BST1: variants seen among roughly 807,000 people sequenced by gnomAD.
BST1 encodes bone marrow stromal cell antigen 1, also known as ADP-ribosyl cyclase/cyclic ADP-ribose hydrolase 2.
In BST1, 49 loss-of-function variants were observed where a neutral mutation model predicts 40.6. That is an observed-to-expected ratio of 1.21 (90% CI 0.96 to 1.53). BST1 has a LOEUF of 1.53. Ranked by LOEUF, BST1 falls within the 40% of genes most tolerant of loss-of-function variation. The pLI, the probability that BST1 is intolerant of heterozygous loss-of-function variation, is 0.00. For missense variants in BST1, 423 were observed against 395.9 expected, an observed-to-expected ratio of 1.07 and a Z score of -0.58; for synonymous variants, 157 against 159.3, an observed-to-expected ratio of 0.99 and a Z score of 0.11.
chr4:15,724,065 G>C lies in BST1; in HGVS notation c.851+1131G>C, dbSNP rs143578040. Among the ~76,000 whole-genome samples, 104 of 152,238 alleles carry C rather than the reference G, an allele frequency of 6.8e-4. 1 individual carries two copies. Among genetic ancestry groups the C allele is most frequent in the African/African-American group, 2.4e-3 (98 of 41,522 alleles). Reference sequence around the variant, plus strand: ...ACTCAAGTGTTCTTTGCTCTGTGAGGCTTTCCTCATTCTCCACGTTGATTG... The same window carrying C: ...ACTCAAGTGTTCTTTGCTCTGTGAGCCTTTCCTCATTCTCCACGTTGATTG... On this transcript the variant is annotated intron_variant, in intron 8 of 8. Transcript: ENST00000265016.
At chr4:15,704,959 C>A (rs781634471) in intron 1 of BST1, 2 of 775,544 alleles carry the variant, frequency 2.6e-6, no homozygotes, top group African/African-American at 1.7e-5. Context: ...TGTTACACAC[C>A]ACCCAGTATG....
intron 8 of BST1, among the ~76,000 whole-genome samples, chr4:15,728,489 T>G (rs1721226391): frequency 6.8e-6 from 1 of 147,810 alleles, no homozygotes; most frequent in Non-Finnish European, 1.5e-5. Context: ...TATCGCTCTG[T>G]CACCCAGGCA....
chr4:15,731,015 C>T (rs1294067970), intron 8 of BST1: 8 of 607,714 alleles, frequency 1.3e-5, no homozygotes, highest in African/African-American at 7.6e-5. Context: ...AAGGCCCGGA[C>T]ATTCTGCCAG....
At chr4:15,722,592 ATTTTTTTTT>A in intron 7 of BST1, among the ~76,000 whole-genome samples, 1 of 120,308 alleles carries the variant, frequency 8.3e-6, no homozygotes, top group East Asian at 2.4e-4. Context: ...TAATTTTTAG[ATTTTTTTTT>A]TTTTTTTTTT....
At chr4:15,716,612 C>T (rs562103832) in intron 6 of BST1, among the ~76,000 whole-genome samples, 6 of 152,282 alleles carry the variant, frequency 3.9e-5, no homozygotes, top group East Asian at 1.9e-4. Flanking sequence ...TTATTTTTCC[C>T]GTCTCTTAGG....
chr4:15,749,096 A>C, the BST1 span, among the ~76,000 whole-genome samples: 1 of 152,160 alleles, frequency 6.6e-6, no homozygotes, highest in South Asian at 2.1e-4. Flanking sequence ...AATCAAAGAC[A>C]TGGGGAAGCT....
At chr4:15,712,049 T>A (rs537834631) in intron 4 of BST1, among the ~76,000 whole-genome samples, 160 bp downstream of exon 4, 1 of 152,344 alleles carries the variant, frequency 6.6e-6, no homozygotes, top group South Asian at 2.1e-4. Context: ...TATATAAAGT[T>A]GTGAGAATTT....
chr4:15,745,913 A>T, the BST1 span, among the ~76,000 whole-genome samples: 1 of 152,186 alleles, frequency 6.6e-6, no homozygotes. Context: ...TATTATCAAT[A>T]TAAGGGGCCA....
intron 4 of BST1, 55 bp from the exon 5 acceptor site, chr4:15,715,230 A>T: frequency 6.6e-7 from 1 of 1,512,810 alleles, no homozygotes; most frequent in Non-Finnish European, 9.2e-7. Flanking sequence ...TGCACATTTC[A>T]TAGCAGAAAA....
At position 15,715,189 on chromosome 4, in the gene BST1, C is replaced by T. The variant is rs568089135; in HGVS notation, c.535-96C>T. On this transcript the variant is annotated intron_variant, in intron 4 of 8. Coordinates refer to ENST00000265016, the MANE Select transcript of BST1 (RefSeq NM_004334.3). The stretch of plus-strand genomic sequence containing the variant: ...AAATGCCACATTTATCATATCCTTG[C>T]CATTATTTAGAACTGACAATTTGTA... 45 of 1,092,830 alleles carry T rather than the reference C, an allele frequency of 4.1e-5. No individual in the cohort carries two copies. The East Asian group carries it at 7.9e-4, about 19-fold the overall frequency. The allele number at this position is 1,092,830 out of a possible 1,614,324, so 67.7% of individuals were successfully genotyped here.
chr4:15,767,607 T>C, the BST1 span, among the ~76,000 whole-genome samples: 34,018 of 85,554 alleles, frequency 0.4, 4,105 homozygotes, highest in African/African-American at 0.51. Flanking sequence ...CCGGCCCTAC[T>C]TTTTTTTTTT....
chr4:15,771,943 T>C, the BST1 span, among the ~76,000 whole-genome samples: 1 of 152,164 alleles, frequency 6.6e-6, no homozygotes, highest in Non-Finnish European at 1.5e-5. Context: ...TACATTAGTA[T>C]GTGAGGAAAG....
chr4:15,730,953 A>G (rs1315591087), intron 8 of BST1: 1 of 385,124 alleles, frequency 2.6e-6, no homozygotes, highest in South Asian at 3.9e-5. Context: ...GAATTTATTC[A>G]AATGTGCCTT....
the BST1 span, chr4:15,743,577 GC>G: frequency 5.7e-6 from 2 of 350,986 alleles, no homozygotes; most frequent in Non-Finnish European, 5.6e-6. Flanking sequence ...GGCACAAAGG[GC>G]CCAGCTGGGA....
intron 4 of BST1, 52 bp from the exon 5 acceptor site, chr4:15,715,233 G>A: frequency 6.5e-7 from 1 of 1,527,748 alleles, no homozygotes; most frequent in African/African-American, 1.4e-5. Context: ...ACATTTCATA[G>A]CAGAAAAATG....
intron 7 of BST1, among the ~76,000 whole-genome samples, 197 bp downstream of exon 7, chr4:15,719,190 C>T (rs903360564): frequency 5.9e-5 from 9 of 152,132 alleles, no homozygotes; most frequent in Non-Finnish European, 1.0e-4. Context: ...CAGAGTCCAT[C>T]TTCACGGCAC....
chr4:15,745,998 C>A, the BST1 span, among the ~76,000 whole-genome samples: 1 of 152,182 alleles, frequency 6.6e-6, no homozygotes, highest in Non-Finnish European at 1.5e-5. Context: ...GAGAGTAGAG[C>A]TAACATAGCC....
intron 6 of BST1, among the ~76,000 whole-genome samples, chr4:15,716,375 A>G (rs557442419): frequency 6.6e-6 from 1 of 152,396 alleles, no homozygotes; most frequent in East Asian, 1.9e-4. Context: ...TTTGGTTTAA[A>G]GACAAGCCAA....
intron 8 of BST1, among the ~76,000 whole-genome samples, chr4:15,728,086 T>C (rs546416211): frequency 1.3e-5 from 2 of 152,118 alleles, no homozygotes; most frequent in South Asian, 2.1e-4. Flanking sequence ...AACAGACATA[T>C]AGTACTGGAA....
Sources: gnomAD v4.1 joint callset for allele counts (sites outside exome capture counted in the v4.1 genomes callset) on GRCh38, gnomAD v4.1.1 for gene constraint, MANE v1.5 for transcripts, NCBI Gene and HGNC (gene_info 2026-07-23, HGNC 2026-07-21) for gene names.